HOMER1: variants seen among roughly 807,000 people sequenced by gnomAD.
HOMER1 encodes homer scaffold protein 1, also known as homer protein homolog 1.
In HOMER1, 3 loss-of-function variants were observed where a neutral mutation model predicts 48.9. The observed-to-expected ratio is 0.06, with a 90% CI of 0.03 to 0.16. The LOEUF (loss-of-function observed/expected upper bound fraction) is 0.16, where lower values mean the gene tolerates loss of function less well. HOMER1 is among the 10% of genes least tolerant of loss of function. The probability of loss-of-function intolerance (pLI) is 1.00; values close to 1 mark genes in which losing one functional copy is unlikely to be tolerated. For synonymous variants in HOMER1, 134 were observed against 146.4 expected (o/e 0.92, Z 0.61); for missense variants, 247 against 411.4 (o/e 0.60, Z 3.46).
intron 3 of HOMER1, among the ~76,000 whole-genome samples, chr5:79,448,840 CTG>C (rs1344362147): frequency 2.0e-5 from 3 of 151,980 alleles, no homozygotes; most frequent in Admixed American, 6.6e-5. Flanking sequence ...GAGCCAAGTT[CTG>C]TGAGTATATA....
chr5:79,385,450 G>GA (rs1749084557), intron 8 of HOMER1, among the ~76,000 whole-genome samples: 1 of 152,104 alleles, frequency 6.6e-6, no homozygotes, highest in South Asian at 2.1e-4. Context: ...GACATAAATA[G>GA]AGAGTTCTCA....
intron 1 of HOMER1, among the ~76,000 whole-genome samples, chr5:79,495,394 A>G (rs1752393212): frequency 6.6e-6 from 1 of 152,222 alleles, no homozygotes; most frequent in African/African-American, 2.4e-5. Context: ...CTCAAAACAA[A>G]CATGACTGGC....
chr5:79,471,551 G>GAAAAAA (rs55724615), intron 1 of HOMER1, among the ~76,000 whole-genome samples: 2 of 97,678 alleles, frequency 2.0e-5, no homozygotes, highest in Non-Finnish European at 4.2e-5. Context: ...CCATCTCAAA[G>GAAAAAA]AAAAAAAAAA....
Position 79,475,608 on chromosome 5 carries a change from T to A in HOMER1, c.6-18590A>T, listed in dbSNP as rs75752449. 1.4e-4 allele frequency among the ~76,000 whole-genome samples: 22 copies of A among 152,232 alleles called. No individual in the cohort carries two copies. In the East Asian group the frequency reaches 2.7e-3, roughly 19 times the overall value. ...ATGTCTAAAGCAAATATGAGATGCT[T>A]TGGAATGAATAACCAACTTCTAGTC... On this transcript the variant is annotated intron_variant, in intron 1 of 8. Coordinates refer to ENST00000334082, the MANE Select transcript of HOMER1 (RefSeq NM_004272.5).
At chr5:79,402,226 C>T (rs554753459) in intron 5 of HOMER1, among the ~76,000 whole-genome samples, 171 bp from the exon 6 acceptor site, 18 of 148,530 alleles carry the variant, frequency 1.2e-4, no homozygotes, top group African/African-American at 2.5e-4. Flanking sequence ...AGTGTAGTGG[C>T]GCAATCTTGG....
chr5:79,415,194 T>C (rs116660535), intron 5 of HOMER1, among the ~76,000 whole-genome samples: 4,547 of 151,286 alleles, frequency 0.03, 208 homozygotes, highest in African/African-American at 0.1. Context: ...GCTGGGAATA[T>C]AGACAAGTGC....
At chr5:79,446,011 T>C (rs1479727672) in intron 4 of HOMER1, among the ~76,000 whole-genome samples, 3 of 152,254 alleles carry the variant, frequency 2.0e-5, no homozygotes, top group Admixed American at 1.3e-4. Context: ...ATGTATATTA[T>C]GACATTCTGA....
At chr5:79,389,164 C>A (rs989822121) in intron 8 of HOMER1, among the ~76,000 whole-genome samples, 10 of 151,574 alleles carry the variant, frequency 6.6e-5, no homozygotes, top group African/African-American at 2.2e-4. Context: ...CAAAACAAGG[C>A]AATAATGGAG....
chr5:79,409,078 T>G, intron 5 of HOMER1, among the ~76,000 whole-genome samples: 1 of 48,272 alleles, frequency 2.1e-5, no homozygotes. Context: ...CAAGATTTTG[T>G]CTTGAGAAAA....
At chr5:79,469,497 G>C (rs1751562612) in intron 1 of HOMER1, among the ~76,000 whole-genome samples, 1 of 151,908 alleles carries the variant, frequency 6.6e-6, no homozygotes, top group Admixed American at 6.6e-5. Flanking sequence ...TTTCTACATG[G>C]TCCTCGAGTC....
At chr5:79,500,927 T>TGTGTGTG (rs1752559296) in intron 1 of HOMER1, among the ~76,000 whole-genome samples, 1 of 124,324 alleles carries the variant, frequency 8.0e-6, no homozygotes, top group African/African-American at 3.7e-5. Flanking sequence ...ACCCAGCCAT[T>TGTGTGTG]TGTGTGTGTG....
chr5:79,468,526 T>G (rs897346577), intron 1 of HOMER1, among the ~76,000 whole-genome samples: 1 of 152,244 alleles, frequency 6.6e-6, no homozygotes, highest in Non-Finnish European at 1.5e-5. Flanking sequence ...TTTTAGAACC[T>G]TAAAACTAAA....
At chr5:79,421,660 C>A (rs1244477096) in intron 5 of HOMER1, among the ~76,000 whole-genome samples, 1 of 151,330 alleles carries the variant, frequency 6.6e-6, no homozygotes. Flanking sequence ...GGCTGGAGTG[C>A]AATGGCGCAA....
At chr5:79,510,712 C>T in intron 1 of HOMER1, 1 of 815,644 alleles carries the variant, frequency 1.2e-6, no homozygotes, top group Non-Finnish European at 2.1e-6. Flanking sequence ...GCCGCAAGCT[C>T]AACTTGCCTA....
At chr5:79,494,694 C>T (rs1319976035) in intron 1 of HOMER1, among the ~76,000 whole-genome samples, 2 of 152,220 alleles carry the variant, frequency 1.3e-5, no homozygotes, top group African/African-American at 4.8e-5. Flanking sequence ...CATGGTGAAA[C>T]TCTATCCCTA....
At chr5:79,403,208 A>G (rs1262084048) in intron 5 of HOMER1, among the ~76,000 whole-genome samples, 1 of 152,174 alleles carries the variant, frequency 6.6e-6, no homozygotes, top group Non-Finnish European at 1.5e-5. Context: ...TATTAGTTAA[A>G]TTCTACTAAC....
intron 6 of HOMER1, 104 bp from the exon 7 acceptor site, chr5:79,397,741 T>G: frequency 1.8e-6 from 1 of 540,684 alleles, no homozygotes; most frequent in Non-Finnish European, 3.1e-6. Context: ...TGAATAAATA[T>G]ATAAAAATTA....
At chr5:79,431,604 C>A (rs1750426837) in intron 5 of HOMER1, among the ~76,000 whole-genome samples, 1 of 151,810 alleles carries the variant, frequency 6.6e-6, no homozygotes. Flanking sequence ...GAATTGTATA[C>A]CTGAGGTAGT....
At chr5:79,441,111 G>A (rs1750724851) in intron 4 of HOMER1, among the ~76,000 whole-genome samples, 1 of 152,048 alleles carries the variant, frequency 6.6e-6, no homozygotes, top group African/African-American at 2.4e-5. Context: ...AGCGAGCCGA[G>A]ATCACTGCAC....
Sources: gnomAD v4.1 joint callset for allele counts (sites outside exome capture counted in the v4.1 genomes callset) on GRCh38, gnomAD v4.1.1 for gene constraint, MANE v1.5 for transcripts, NCBI Gene and HGNC (gene_info 2026-07-23, HGNC 2026-07-21) for gene names.